Variants in PCDHGA3 observed in about 807,000 individuals in gnomAD.
The protein encoded by PCDHGA3 is protocadherin gamma-A3.
PCDHGA3 carries 40 observed loss-of-function variants against 58.5 expected under a neutral mutation model. The observed-to-expected ratio is 0.68, with a 90% confidence interval of 0.53 to 0.89. The LOEUF is 0.89. Ranked by LOEUF, PCDHGA3 falls within the 40% of genes least tolerant of loss-of-function variation. PCDHGA3 has a pLI of 0.00. For synonymous variants in PCDHGA3, 530 were observed against 525.7 expected (o/e 1.01, Z -0.11); for missense variants, 1,223 against 1,195.9 (o/e 1.02, Z -0.33).
At chr5:141,457,439 C>T (rs2098920819) in intron 1 of PCDHGA3, among the ~76,000 whole-genome samples, 1 of 152,194 alleles carries the variant, frequency 6.6e-6, no homozygotes, top group Non-Finnish European at 1.5e-5. Context: ...CACCAAGCTG[C>T]AGAAGATCAC....
At chr5:141,455,159 G>GT (rs1390145608) in intron 1 of PCDHGA3, among the ~76,000 whole-genome samples, 2,419 of 144,948 alleles carry the variant, frequency 0.017, 50 homozygotes, top group African/African-American at 0.056. Context: ...TTAGTTTGTT[G>GT]GTTTTTTTTT....
At position 141,477,055 on chromosome 5, in the gene PCDHGA3, G is replaced by A. The variant is rs531755338; in HGVS notation, c.2425-17752G>A. Reference sequence around the variant, plus strand: ...CAATCAAGGGTCGGCTGGACTTCGAGGACACCAAACTCCATGAGATTTACA... The same window carrying A: ...CAATCAAGGGTCGGCTGGACTTCGAAGACACCAAACTCCATGAGATTTACA... On this transcript the variant is annotated intron_variant, in intron 1 of 3. Transcript: ENST00000253812. This position sits in a 1 kb window ranked among gnomAD's most constrained non-coding sequence, Gnocchi z 4.9. The A allele has an allele frequency of 4.5e-5, 72 of 1,614,242 alleles. 1 individual carries two copies. In the South Asian group the frequency reaches 7.8e-4, roughly 17 times the overall value.
At chr5:141,350,467 G>A in intron 1 of PCDHGA3, 2 of 1,613,996 alleles carry the variant, frequency 1.2e-6, no homozygotes, top group Non-Finnish European at 1.7e-6. Flanking sequence ...TTAGTGCAGA[G>A]GATTATTTCA....
intron 1 of PCDHGA3, chr5:141,423,134 G>A: frequency 6.2e-7 from 1 of 1,613,680 alleles, no homozygotes; most frequent in South Asian, 1.1e-5. Flanking sequence ...CTGCTGGACA[G>A]AGACGCGCTC....
chr5:141,355,302 G>A, intron 1 of PCDHGA3: 7 of 1,613,916 alleles, frequency 4.3e-6, no homozygotes, highest in Non-Finnish European at 5.9e-6. Flanking sequence ...TTCTCTACTC[G>A]GTGTTTGAGG....
At chr5:141,416,870 A>G (rs1315073474) in intron 1 of PCDHGA3, 4 of 152,154 alleles carry the variant, frequency 2.6e-5, no homozygotes, top group Non-Finnish European at 5.9e-5. Flanking sequence ...GTCAGTCAAC[A>G]TTTGTTGAAT....
At chr5:141,478,683 C>G (rs1355955377) in intron 1 of PCDHGA3, 14 of 1,551,164 alleles carry the variant, frequency 9.0e-6, no homozygotes, top group African/African-American at 1.4e-5. Flanking sequence ...CTGGCCCTTC[C>G]TAGATCAAAG....
intron 1 of PCDHGA3, chr5:141,362,237 T>A (rs1381834832): frequency 1.2e-6 from 2 of 1,614,026 alleles, no homozygotes; most frequent in Non-Finnish European, 8.5e-7. Flanking sequence ...TTGATCTCAG[T>A]GCTCTTCTTC....
chr5:141,415,843 G>T (rs1022622333), intron 1 of PCDHGA3: 36 of 1,251,418 alleles, frequency 2.9e-5, no homozygotes, highest in Non-Finnish European at 3.6e-5. Flanking sequence ...GATTAGCTTT[G>T]CAGAACCTTG....
chr5:141,453,364 G>A (rs921978865), intron 1 of PCDHGA3, among the ~76,000 whole-genome samples: 4 of 151,814 alleles, frequency 2.6e-5, no homozygotes, highest in African/African-American at 9.7e-5. Flanking sequence ...GAACTCCTGG[G>A]GTCAAGTGAT....
At chr5:141,421,407 G>T in intron 1 of PCDHGA3, 1 of 1,614,076 alleles carries the variant, frequency 6.2e-7, no homozygotes. Flanking sequence ...CCCGGGAGCT[G>T]GCGAAGCGCG....
At chr5:141,410,600 C>T in intron 1 of PCDHGA3, 1 of 1,608,048 alleles carries the variant, frequency 6.2e-7, no homozygotes, top group Non-Finnish European at 8.5e-7. Flanking sequence ...TTTGACTTCA[C>T]ATCCTGAGAC....
rs1362099045 is a variant in PCDHGA3, at chr5:141,346,692, T to C, written c.2424+235T>C. Among the ~76,000 whole-genome samples the C allele has an allele frequency of 5.8e-4, 89 of 152,326 alleles. 1 individual carries two copies. The highest frequency in any genetic ancestry group is 1.9e-4 in the Non-Finnish European group (13 of 68,032). On this transcript the variant is annotated intron_variant, in intron 1 of 3. Coordinates refer to ENST00000253812, the MANE Select transcript of PCDHGA3 (RefSeq NM_018916.4). ...ATCGTGAGTGAAAGTAAAGTGTCAC[T>C]TCCTAGAGGAATCTGCCACTGTGAG...
chr5:141,415,853 G>GTAGTT, intron 1 of PCDHGA3: 1 of 1,186,350 alleles, frequency 8.4e-7, no homozygotes, highest in Non-Finnish European at 1.1e-6. Context: ...GCAGAACCTT[G>GTAGTT]TAGTTTATAG....
intron 1 of PCDHGA3, chr5:141,441,986 C>A (rs2098288559): frequency 1.1e-5 from 3 of 269,098 alleles, no homozygotes; most frequent in South Asian, 7.5e-5. Context: ...GAATGCGCAC[C>A]GACGAGGTGC....
At chr5:141,458,496 A>G (rs905073741) in intron 1 of PCDHGA3, among the ~76,000 whole-genome samples, 1 of 151,694 alleles carries the variant, frequency 6.6e-6, no homozygotes, top group Non-Finnish European at 1.5e-5. Flanking sequence ...CTGCCTGTAC[A>G]TACTGTTTGA....
chr5:141,472,980 C>CAAAAAAAAAAAAAAAAAGAAAAAAAA (rs2099309731), intron 1 of PCDHGA3, among the ~76,000 whole-genome samples: 1 of 86,100 alleles, frequency 1.2e-5, no homozygotes, highest in African/African-American at 3.9e-5. Flanking sequence ...GAGTGAAACT[C>CAAAAAAAAAAAAAAAAAGAAAAAAAA]AAAAAAAAAA....
intron 1 of PCDHGA3, chr5:141,424,789 A>T (rs538504226): frequency 2.0e-5 from 3 of 152,238 alleles, no homozygotes; most frequent in African/African-American, 7.2e-5. Flanking sequence ...CAGTTCTTTT[A>T]TTCAGACCAA....
intron 1 of PCDHGA3, chr5:141,394,617 G>T (rs369651266): frequency 8.1e-6 from 13 of 1,613,372 alleles, no homozygotes; most frequent in Non-Finnish European, 1.1e-5. Flanking sequence ...GGGCCAGAAC[G>T]CCTGGCTGTC....
Sources: gnomAD v4.1 joint callset for allele counts (sites outside exome capture counted in the v4.1 genomes callset) on GRCh38, gnomAD v4.1.1 for gene constraint, Gnocchi (gnomAD v3.1) non-coding constraint, MANE v1.5 for transcripts, NCBI Gene and HGNC (gene_info 2026-07-23, HGNC 2026-07-21) for gene names.